TMEM178B: variants seen among roughly 807,000 people sequenced by gnomAD.
The protein encoded by TMEM178B is transmembrane protein 178B.
In TMEM178B, 5 loss-of-function variants were observed where a neutral mutation model predicts 31.0. The ratio of observed to expected loss-of-function variants is 0.16; its 90% confidence interval spans 0.08 to 0.34. The LOEUF (loss-of-function observed/expected upper bound fraction) is 0.34. TMEM178B is among the 10% of genes least tolerant of loss of function. The pLI, the probability that TMEM178B is intolerant of heterozygous loss-of-function variation, is 1.00. For synonymous variants in TMEM178B, 164 were observed against 164.0 expected, an observed-to-expected ratio of 1.00 and a Z score of 0.00; for missense variants, 275 against 400.3, an observed-to-expected ratio of 0.69 and a Z score of 2.67.
At chr7:141,392,668 C>A (rs566850433) in intron 2 of TMEM178B, among the ~76,000 whole-genome samples, 1 of 151,992 alleles carries the variant, frequency 6.6e-6, no homozygotes, top group South Asian at 2.1e-4. Context: ...TTTTCCAAAC[C>A]GGAATACAGT....
At chr7:141,201,346 C>T (rs1057205767) in intron 1 of TMEM178B, among the ~76,000 whole-genome samples, 2 of 152,234 alleles carry the variant, frequency 1.3e-5, no homozygotes, top group East Asian at 1.9e-4. Context: ...GATTCTCAAC[C>T]GCAGACTGAA....
At chr7:141,501,025 G>T in the TMEM178B span, among the ~76,000 whole-genome samples, 5 of 152,274 alleles carry the variant, frequency 3.3e-5, no homozygotes, top group African/African-American at 1.2e-4. Context: ...AGAGGAAGGA[G>T]AAAGAATGGA....
chr7:141,356,614 A>T (rs1480638676), intron 2 of TMEM178B, among the ~76,000 whole-genome samples: 2 of 131,992 alleles, frequency 1.5e-5, no homozygotes, highest in East Asian at 4.8e-4. Context: ...TAGACTGTGG[A>T]TATTAGACCT....
intron 1 of TMEM178B, among the ~76,000 whole-genome samples, chr7:141,083,826 G>A (rs958947025): frequency 6.6e-6 from 1 of 152,048 alleles, no homozygotes; most frequent in Admixed American, 6.5e-5. Flanking sequence ...AAAGGAACTG[G>A]ATTCTGTTTA....
chr7:141,386,018 G>C (rs576195246), intron 2 of TMEM178B, among the ~76,000 whole-genome samples: 1 of 152,312 alleles, frequency 6.6e-6, no homozygotes, highest in African/African-American at 2.4e-5. Context: ...CGCTGGACTT[G>C]CTACAATATT....
intron 2 of TMEM178B, among the ~76,000 whole-genome samples, chr7:141,337,994 C>T (rs983698092): frequency 1.1e-4 from 16 of 152,046 alleles, no homozygotes; most frequent in African/African-American, 2.2e-4. Context: ...CCCGTCACCA[C>T]GCCCGGCTAA....
At chr7:141,123,459 G>A (rs1795440881) in intron 1 of TMEM178B, among the ~76,000 whole-genome samples, 1 of 152,214 alleles carries the variant, frequency 6.6e-6, no homozygotes, top group South Asian at 2.1e-4. Context: ...GCTCCTGGAG[G>A]AGTTCACAGG....
chr7:141,078,773 T>A (rs1794638567), intron 1 of TMEM178B, among the ~76,000 whole-genome samples: 3 of 152,076 alleles, frequency 2.0e-5, no homozygotes, highest in Admixed American at 2.0e-4. Context: ...GGAAGGATAT[T>A]TCAGGCAATG....
At chr7:141,371,342 T>C (rs1469437153) in intron 2 of TMEM178B, among the ~76,000 whole-genome samples, 1 of 152,090 alleles carries the variant, frequency 6.6e-6, no homozygotes, top group East Asian at 1.9e-4. Flanking sequence ...CTTCCTCTTT[T>C]GTCAAATGAT....
At chr7:141,493,500 C>A in the TMEM178B span, among the ~76,000 whole-genome samples, 1 of 152,134 alleles carries the variant, frequency 6.6e-6, no homozygotes, top group Non-Finnish European at 1.5e-5. Flanking sequence ...AATAGAGACA[C>A]ATGGCATCCC....
At chr7:141,484,750 C>T (rs923065862), downstream of TMEM178B, among the ~76,000 whole-genome samples, 19 of 151,982 alleles carry the variant, frequency 1.3e-4, no homozygotes, top group South Asian at 1.0e-3. This position sits in a 1 kb window ranked among gnomAD's most constrained non-coding sequence, Gnocchi z 4.8. Flanking sequence ...TTAGTAGAGA[C>T]GGGATTTCAC....
At chr7:141,196,057 G>T (rs6464399) in intron 1 of TMEM178B, among the ~76,000 whole-genome samples, 1 of 151,962 alleles carries the variant, frequency 6.6e-6, no homozygotes. Context: ...CACAGCCAAA[G>T]CATATCAGTA....
intron 2 of TMEM178B, among the ~76,000 whole-genome samples, chr7:141,305,232 C>A (rs1294879966): frequency 6.6e-6 from 1 of 152,158 alleles, no homozygotes; most frequent in Non-Finnish European, 1.5e-5. Context: ...ATGATTATAA[C>A]CCTAGTAATA....
At chr7:141,465,950 GAGGCA>G (rs1802141950) in intron 3 of TMEM178B, among the ~76,000 whole-genome samples, 1 of 152,198 alleles carries the variant, frequency 6.6e-6, no homozygotes, top group South Asian at 2.1e-4. Flanking sequence ...TTGAGCCCTG[GAGGCA>G]GAGGTTGCAG....
intron 1 of TMEM178B, among the ~76,000 whole-genome samples, chr7:141,154,675 A>C (rs1187425264): frequency 6.6e-6 from 1 of 151,698 alleles, no homozygotes; most frequent in African/African-American, 2.4e-5. Context: ...TTTCTTCATG[A>C]GTTAGCTGGA....
chr7:141,212,749 C>T (rs962296417), intron 2 of TMEM178B, 45 bp downstream of exon 2: 39 of 1,457,154 alleles, frequency 2.7e-5, no homozygotes, highest in Non-Finnish European at 3.5e-5. Flanking sequence ...GCTGTGAGGT[C>T]CCCTTTGGAG....
At chr7:141,085,150 ATTTTTTTTTTTTTTTTT>A (rs61516388) in intron 1 of TMEM178B, among the ~76,000 whole-genome samples, 1 of 74,540 alleles carries the variant, frequency 1.3e-5, no homozygotes, top group Admixed American at 1.6e-4. Context: ...GCTAATTTGT[ATTTTTTTTTTTTTTTTT>A]TTTTTTTTTA....
At chr7:141,200,045 T>G (rs1162703568) in intron 1 of TMEM178B, among the ~76,000 whole-genome samples, 1 of 151,640 alleles carries the variant, frequency 6.6e-6, no homozygotes, top group Non-Finnish European at 1.5e-5. Context: ...AGTGAGACTC[T>G]GTCTCAAAAA....
At chr7:141,110,427 A>T (rs1795214959) in intron 1 of TMEM178B, among the ~76,000 whole-genome samples, 1 of 152,258 alleles carries the variant, frequency 6.6e-6, no homozygotes, top group Non-Finnish European at 1.5e-5. Context: ...CACCTGAAGC[A>T]CCACATTAAT....
Sources: gnomAD v4.1 joint callset for allele counts (sites outside exome capture counted in the v4.1 genomes callset) on GRCh38, gnomAD v4.1.1 for gene constraint, Gnocchi (gnomAD v3.1) non-coding constraint, MANE v1.5 for transcripts, NCBI Gene and HGNC (gene_info 2026-07-23, HGNC 2026-07-21) for gene names.